Variants in KCNK13 observed in about 807,000 individuals in gnomAD.
KCNK13 encodes potassium channel subfamily K member 13.
In KCNK13, 12 loss-of-function variants were observed where a neutral mutation model predicts 23.4. That is an observed-to-expected ratio of 0.51 (90% confidence interval 0.33 to 0.83). KCNK13 has a LOEUF of 0.83. KCNK13 is among the 40% of genes least tolerant of loss of function. KCNK13 has a pLI of 0.02. For synonymous variants in KCNK13, 231 were observed against 229.5 expected (o/e 1.01, Z -0.06); for missense variants, 463 against 556.3 (o/e 0.83, Z 1.69).
intron 1 of KCNK13, among the ~76,000 whole-genome samples, chr14:90,140,075 T>G (rs1429185642): frequency 1.3e-5 from 2 of 152,172 alleles, no homozygotes; most frequent in East Asian, 1.9e-4. Context: ...TTTGAGATTT[T>G]GGGATGCAGG....
chr14:90,184,609 T>C lies in KCNK13; in HGVS notation c.833T>C (p.Val278Ala). The C allele has an allele frequency of 6.2e-7, 1 of 1,614,256 alleles. No individual in the cohort carries two copies. Residue 278 changes from valine to alanine, a missense_variant, in exon 2 of 2, where the codon GTC (valine) becomes GCC (alanine). Coordinates refer to ENST00000282146, the MANE Select transcript of KCNK13 (RefSeq NM_022054.4). This position sits in a 1 kb window ranked among gnomAD's most constrained non-coding sequence, Gnocchi z 5.6. The part of the protein sequence containing the change: ...GVCCIYSLFN[V>A]ISILIKQSLN... ...TGCTGCATCTACTCCTTGTTCAATG[T>C]CATCTCTATCCTCATCAAACAGTCC...
At chr14:90,139,911 G>A (rs551517346) in intron 1 of KCNK13, among the ~76,000 whole-genome samples, 1 of 151,960 alleles carries the variant, frequency 6.6e-6, no homozygotes, top group Admixed American at 6.6e-5. Flanking sequence ...GCAGTGACCC[G>A]AGATCACACC....
chr14:90,078,398 T>A (rs1418149531), intron 1 of KCNK13, among the ~76,000 whole-genome samples: 2 of 102,738 alleles, frequency 1.9e-5, no homozygotes, highest in Non-Finnish European at 3.6e-5. Context: ...CCAGCCTGAG[T>A]GACAGAGCAA....
intron 1 of KCNK13, among the ~76,000 whole-genome samples, chr14:90,154,447 C>A (rs1409051385): frequency 6.7e-6 from 1 of 149,250 alleles, no homozygotes; most frequent in Non-Finnish European, 1.5e-5. Flanking sequence ...ATGCCTGCTT[C>A]TCTACCCACA....
rs183221382 is a variant in KCNK13, at chr14:90,084,140, G to T, written c.334+21601G>T. ...TGTTGGTTTTTTTTCCCCCAAGATT[G>T]TTTTGGCTATTCTGGGTCCCTTGAA... is the stretch of plus-strand genomic sequence containing the variant. On this transcript the variant is annotated intron_variant, in intron 1 of 1. Coordinates refer to ENST00000282146, the MANE Select transcript of KCNK13 (RefSeq NM_022054.4). Among the ~76,000 whole-genome samples the T allele has an allele frequency of 1.1e-3, 170 of 152,162 alleles. 1 individual carries two copies. The highest frequency in any genetic ancestry group is 3.9e-3 in the African/African-American group (160 of 41,530).
intron 1 of KCNK13, among the ~76,000 whole-genome samples, chr14:90,077,612 T>G (rs1889155549): frequency 6.6e-6 from 1 of 152,242 alleles, no homozygotes; most frequent in Non-Finnish European, 1.5e-5. Flanking sequence ...GCTCACTAAT[T>G]CTTTTCTCCA....
At chr14:90,068,991 G>A (rs1488659465) in intron 1 of KCNK13, among the ~76,000 whole-genome samples, 1 of 150,522 alleles carries the variant, frequency 6.6e-6, no homozygotes, top group Non-Finnish European at 1.5e-5. Context: ...GCTCAGCCTC[G>A]CCTCGTATGT....
At chr14:90,071,805 G>A (rs528139134) in intron 1 of KCNK13, among the ~76,000 whole-genome samples, 1 of 152,162 alleles carries the variant, frequency 6.6e-6, no homozygotes, top group African/African-American at 2.4e-5. Context: ...GGCTGAGGCA[G>A]GAGAATCACT....
At chr14:90,153,234 T>C (rs969762972) in intron 1 of KCNK13, among the ~76,000 whole-genome samples, 2 of 152,156 alleles carry the variant, frequency 1.3e-5, no homozygotes, top group Non-Finnish European at 2.9e-5. Context: ...CCCACTGTAC[T>C]CCCTAAAGCC....
intron 1 of KCNK13, among the ~76,000 whole-genome samples, chr14:90,092,641 A>G (rs1338360713): frequency 6.6e-6 from 1 of 152,188 alleles, no homozygotes; most frequent in African/African-American, 2.4e-5. Context: ...TTAAAGAAAC[A>G]TCACAAGGCC....
intron 1 of KCNK13, among the ~76,000 whole-genome samples, chr14:90,125,842 G>A (rs1889793423): frequency 6.6e-6 from 1 of 152,016 alleles, no homozygotes; most frequent in African/African-American, 2.4e-5. Flanking sequence ...AGGCAACATG[G>A]TGAAACCTCA....
intron 1 of KCNK13, among the ~76,000 whole-genome samples, chr14:90,154,339 C>G (rs1420950194): frequency 1.3e-5 from 2 of 150,312 alleles, no homozygotes; most frequent in Non-Finnish European, 3.0e-5. Flanking sequence ...ATGCCATGCT[C>G]TCCCACCCAT....
chr14:90,091,475 A>G (rs1402176333), intron 1 of KCNK13, among the ~76,000 whole-genome samples: 1 of 152,244 alleles, frequency 6.6e-6, no homozygotes, highest in Non-Finnish European at 1.5e-5. Flanking sequence ...ATCAAGTCCT[A>G]TACAGTAGCC....
intron 1 of KCNK13, among the ~76,000 whole-genome samples, chr14:90,071,132 C>T (rs999731666): frequency 2.0e-5 from 3 of 152,078 alleles, no homozygotes; most frequent in Non-Finnish European, 2.9e-5. Flanking sequence ...TTTCTTTTAT[C>T]GTAAATTCCA....
intron 1 of KCNK13, among the ~76,000 whole-genome samples, chr14:90,137,434 C>T (rs375553192): frequency 4.9e-4 from 75 of 152,268 alleles, no homozygotes; most frequent in African/African-American, 1.8e-3. Flanking sequence ...GATTCTCCCA[C>T]TTCAGCCTCC....
chr14:90,094,864 G>T (rs1889392460), intron 1 of KCNK13, among the ~76,000 whole-genome samples: 1 of 151,896 alleles, frequency 6.6e-6, no homozygotes, highest in Non-Finnish European at 1.5e-5. Flanking sequence ...AGCCAGGATG[G>T]TCTCGATCTC....
intron 1 of KCNK13, among the ~76,000 whole-genome samples, chr14:90,101,600 G>T (rs186755479): frequency 3.0e-4 from 45 of 151,500 alleles, no homozygotes; most frequent in Non-Finnish European, 5.6e-4. Context: ...ACCACCCTGC[G>T]CAACATGGTG....
intron 1 of KCNK13, among the ~76,000 whole-genome samples, chr14:90,139,854 C>T (rs777078047): frequency 6.6e-6 from 1 of 152,098 alleles, no homozygotes; most frequent in Non-Finnish European, 1.5e-5. Flanking sequence ...CCCACCTACT[C>T]GGGAGGCTGA....
At chr14:90,135,570 A>G (rs895735500) in intron 1 of KCNK13, among the ~76,000 whole-genome samples, 1 of 152,178 alleles carries the variant, frequency 6.6e-6, no homozygotes, top group Admixed American at 6.5e-5. Context: ...TGATTTTCAC[A>G]GGCCCGTGGA....
Sources: gnomAD v4.1 joint callset for allele counts (sites outside exome capture counted in the v4.1 genomes callset) on GRCh38, gnomAD v4.1.1 for gene constraint, Gnocchi (gnomAD v3.1) non-coding constraint, MANE v1.5 for transcripts, NCBI Gene and HGNC (gene_info 2026-07-23, HGNC 2026-07-21) for gene names.